SPEG: variants seen among roughly 807,000 people sequenced by gnomAD.
The protein encoded by SPEG is striated muscle enriched protein kinase.
In SPEG, 114 loss-of-function variants were observed where a neutral mutation model predicts 300.4. The ratio of observed to expected loss-of-function variants is 0.38; its 90% CI spans 0.33 to 0.44. The LOEUF is 0.44. Among genes scored for constraint, SPEG ranks in the 20% least tolerant of loss-of-function variants. The probability of loss-of-function intolerance (pLI) is 1.00; values close to 1 mark genes in which losing one functional copy is unlikely to be tolerated. For missense variants in SPEG, 4,201 were observed against 4,586.2 expected (o/e 0.92, Z 2.43); for synonymous variants, 1,964 against 2,018.9 (o/e 0.97, Z 0.73).
intron 1 of SPEG, among the ~76,000 whole-genome samples, chr2:219,441,315 G>A (rs1311059120): frequency 6.6e-6 from 1 of 152,150 alleles, no homozygotes; most frequent in African/African-American, 2.4e-5. Flanking sequence ...GTGAATGTAC[G>A]GGGGTAGGGG....
chr2:219,476,824 AGC>A (rs753662282), intron 18 of SPEG, 44 bp from the exon 19 acceptor site: 1 of 1,492,624 alleles, frequency 6.7e-7, no homozygotes, highest in South Asian at 1.1e-5. Flanking sequence ...GGGTAAAGCC[AGC>A]CCCTAGCCCC....
chr2:219,476,909 T>C lies in SPEG; in HGVS notation c.4487T>C (p.Val1496Ala), dbSNP rs1449209691. 2 of 1,607,540 alleles carry C rather than the reference T, an allele frequency of 1.2e-6. No individual in the cohort carries two copies. The highest frequency in any genetic ancestry group is 1.7e-6 in the Non-Finnish European group (2 of 1,177,996). ...RFESIMEDVE[V>A]GAGETARFAV... is the part of the protein sequence containing the mutation. Reference sequence around the variant, plus strand: ...GAGTCCATCATGGAGGACGTGGAGGTGGGGGCTGGGGAAACTGCTCGCTTT... The same window carrying C: ...GAGTCCATCATGGAGGACGTGGAGGCGGGGGCTGGGGAAACTGCTCGCTTT... Residue 1496 changes from valine (V) to alanine (A), a missense_variant, in exon 19 of 41, where the codon GTG (valine) becomes GCG (alanine). Val to Ala is a moderately conservative substitution (Grantham distance 64, BLOSUM62 0). Around this residue, in one of 4 missense-constraint regions of SPEG, gnomAD observed 1,047 missense variants for 1,356.8 expected, o/e 0.77. Coordinates refer to ENST00000312358, the MANE Select transcript of SPEG (RefSeq NM_005876.5).
At chr2:219,487,023 T>G (rs1192641209) in intron 31 of SPEG, among the ~76,000 whole-genome samples, 6 of 152,024 alleles carry the variant, frequency 3.9e-5, no homozygotes, top group Non-Finnish European at 7.4e-5. Context: ...CCCACAATTC[T>G]TCAGACAGGC....
Position 219,483,680 on chromosome 2 carries a change from C to T in SPEG, c.6217C>T (p.Arg2073Trp). 3.9e-6 allele frequency: 6 copies of T among 1,533,954 alleles called. No homozygotes were observed. Among genetic ancestry groups the T allele is most frequent in the Non-Finnish European group, 4.4e-6 (5 of 1,146,756 alleles). The change falls in exon 30 of 41, where the codon CGG becomes TGG. Residue 2073 changes from arginine to tryptophan, a missense_variant. Arg to Trp is a moderately radical substitution (Grantham distance 101). This residue lies in a region of SPEG where 1,578 missense variants were observed against 1,506.0 expected (regional missense o/e 1.05). Coordinates refer to ENST00000312358, the MANE Select transcript of SPEG (RefSeq NM_005876.5). ...CCAGAGGCTGCAGGCCCTGCGCCAG[C>T]GGCTGCTGCGGGGAGGCCCCGAGGA... ...YAQRLQALRQ[R>W]LLRGGPEDGK...
At chr2:219,482,567 C>T (rs1206620861) in intron 28 of SPEG, among the ~76,000 whole-genome samples, 1 of 152,100 alleles carries the variant, frequency 6.6e-6, no homozygotes, top group East Asian at 1.9e-4. Flanking sequence ...TGCCTCTCCC[C>T]TGGGGGGTTC....
Position 219,481,610 on chromosome 2 carries a change from T to C in SPEG, c.5523-28T>C. On this transcript the variant is annotated intron_variant, in intron 27 of 40. Coordinates refer to ENST00000312358, the MANE Select transcript of SPEG (RefSeq NM_005876.5). The surrounding 1 kb of genome is among the most constrained non-coding windows in gnomAD (Gnocchi z 5.4). ...GACTCACTGATGACTGAACGATAAA[T>C]CCCTTCTTAATCCTCATTCATTCAC... is the stretch of plus-strand genomic sequence containing the variant. 1 of 1,613,592 alleles carries C rather than the reference T, an allele frequency of 6.2e-7. No individual in the cohort carries two copies. Among genetic ancestry groups the C allele is most frequent in the Non-Finnish European group, 8.5e-7 (1 of 1,179,554 alleles).
chr2:219,449,570 T>C (rs997111636), intron 4 of SPEG, among the ~76,000 whole-genome samples: 1 of 152,156 alleles, frequency 6.6e-6, no homozygotes, highest in African/African-American at 2.4e-5. Flanking sequence ...ATAGCTCCCC[T>C]GGGTCCAGTG....
Position 219,488,946 on chromosome 2 carries a change from G to A in SPEG, c.8149+46G>A, listed in dbSNP as rs755495652. 22 of 1,590,810 alleles carry A rather than the reference G, an allele frequency of 1.4e-5. 1 individual carries two copies. The South Asian group carries it at 2.3e-4, about 16-fold the overall frequency. ...GGGTTGGGGGAGCGGCAGGGGGAGGGTAGAGGAGTCTGGTAAGGCCAGTGC... is the reference window on the plus strand; with the variant it reads ...GGGTTGGGGGAGCGGCAGGGGGAGGATAGAGGAGTCTGGTAAGGCCAGTGC... On this transcript the variant is annotated intron_variant, in intron 34 of 40. Coordinates refer to ENST00000312358, the MANE Select transcript of SPEG (RefSeq NM_005876.5).
chr2:219,482,915 C>G (rs1692991123), intron 29 of SPEG, 63 bp downstream of exon 29: 13 of 1,540,184 alleles, frequency 8.4e-6, no homozygotes, highest in South Asian at 2.3e-5. Flanking sequence ...ACTGCCTTCC[C>G]CCTCCCGTGG....
At chr2:219,469,885 C>G (rs1166064726) in intron 13 of SPEG, among the ~76,000 whole-genome samples, 1 of 152,296 alleles carries the variant, frequency 6.6e-6, no homozygotes, top group African/African-American at 2.4e-5. Flanking sequence ...AAGGGATGCT[C>G]TGTCCAGGGT....
chr2:219,481,638 G>C lies in SPEG; in HGVS notation c.5523G>C (p.Leu1841=), dbSNP rs1692855138. Reference sequence around the variant, plus strand: ...CTTCTTAATCCTCATTCATTCACAGGAGACCTACCGCAGAAGAGACCCTAG... The same window carrying C: ...CTTCTTAATCCTCATTCATTCACAGCAGACCTACCGCAGAAGAGACCCTAG... ...FLIKVLVQDR[L]RPTAEETLEH... Residue 1841 remains leucine (L), a splice_region_variant and synonymous_variant, in exon 28 of 41, where the codon CTG becomes CTC. Transcript: ENST00000312358. The surrounding 1 kb of genome is among the most constrained non-coding windows in gnomAD (Gnocchi z 5.4). 6.2e-7 allele frequency: 1 copy of C among 1,614,002 alleles called. No homozygotes were observed. Among genetic ancestry groups the C allele is most frequent in the Non-Finnish European group, 8.5e-7 (1 of 1,180,010 alleles).
intron 13 of SPEG, 138 bp downstream of exon 13, chr2:219,469,517 C>G: frequency 2.8e-6 from 2 of 708,436 alleles, no homozygotes; most frequent in Admixed American, 2.6e-5. Context: ...GGAAGGGAAC[C>G]CGGAGGGACT....
chr2:219,440,273 G>C (rs972144944), intron 1 of SPEG, among the ~76,000 whole-genome samples: 6 of 151,924 alleles, frequency 3.9e-5, no homozygotes, highest in Non-Finnish European at 8.8e-5. Flanking sequence ...TGTAGTCTCA[G>C]GTACAAGGGG....
rs1692828116 is a variant in SPEG, at chr2:219,481,410, A to G, written c.5476A>G (p.Arg1826Gly). The G allele has an allele frequency of 3.1e-6, 5 of 1,614,074 alleles. No homozygotes were observed. Among genetic ancestry groups the G allele is most frequent in the Non-Finnish European group, 4.2e-6 (5 of 1,180,026 alleles). ...GGAGACCACATTCCTGAGCCTGAGC[A>G]GGGAGGCCCGGGGCTTCCTCATCAA... ...FEETTFLSLSREARGFLIKVL... is the reference protein window; with the variant it reads ...FEETTFLSLSGEARGFLIKVL... The change falls in exon 27 of 41, where the codon AGG becomes GGG. Residue 1826 changes from arginine to glycine, a missense_variant. Transcript: ENST00000312358. This position sits in a 1 kb window ranked among gnomAD's most constrained non-coding sequence, Gnocchi z 5.4.
At chr2:219,436,021 T>G (rs983554989) in intron 1 of SPEG, among the ~76,000 whole-genome samples, 15 of 152,070 alleles carry the variant, frequency 9.9e-5, no homozygotes, top group African/African-American at 3.6e-4. Flanking sequence ...ATGGGTGCTG[T>G]GGAGGGCCCT....
rs1294474245 is a variant in SPEG, at chr2:219,445,795, G to C, written c.815+634G>C. 1 of 157,512 alleles carries C rather than the reference G, an allele frequency of 6.3e-6. No individual in the cohort carries two copies. The highest frequency in any genetic ancestry group is 1.9e-4 in the East Asian group (1 of 5,204). The allele number at this position is 157,512 out of a possible 1,614,324, so 9.8% of individuals were successfully genotyped here. On this transcript the variant is annotated intron_variant, in intron 3 of 40. Coordinates refer to ENST00000312358, the MANE Select transcript of SPEG (RefSeq NM_005876.5). This position sits in a 1 kb window ranked among gnomAD's most constrained non-coding sequence, Gnocchi z 6.1. ...GGCTGGAAATGGGGCCAGGCCAGAG[G>C]GAGAGGGCGGGAGTGATGGTGGCAG...
Position 219,489,350 on chromosome 2 carries a change from C to A in SPEG, c.8332C>A (p.Pro2778Thr). Residue 2778 changes from proline (P) to threonine (T), a missense_variant, in exon 36 of 41, where the codon CCA becomes ACA. By Grantham distance (38) the Pro-to-Thr change is conservative (BLOSUM62 -1). Coordinates refer to ENST00000312358, the MANE Select transcript of SPEG (RefSeq NM_005876.5). Reference protein sequence around the residue: ...VRGTQDSSAVPSAAHQEAPVT... With the variant: ...VRGTQDSSAVTSAAHQEAPVT... ...CTCTCTCTTAGATTCTTCAGCTGTG[C>A]CATCTGCTGCCCACCAAGAGGCCCC... 1 of 1,613,550 alleles carries A rather than the reference C, an allele frequency of 6.2e-7. No individual in the cohort carries two copies. Among genetic ancestry groups the A allele is most frequent in the East Asian group, 2.2e-5 (1 of 44,872 alleles).
chr2:219,464,510 G>A lies in SPEG; in HGVS notation c.2783G>A (p.Arg928Gln), dbSNP rs762056845. ...EEAEGGLCRL[R>Q]ILAAERGDAG... The stretch of plus-strand genomic sequence containing the variant: ...GCTGAGGGTGGGCTGTGCCGGCTGC[G>A]GATCCTGGCTGCAGAGCGTGGCGAT... The change falls in exon 9 of 41, where the codon CGG becomes CAG. Residue 928 changes from arginine (R) to glutamine (Q), a missense_variant. This residue lies in a region of SPEG where 1,047 missense variants were observed against 1,356.8 expected (regional missense o/e 0.77). Transcript: ENST00000312358. The surrounding 1 kb of genome is among the most constrained non-coding windows in gnomAD (Gnocchi z 4.5). 18 of 1,614,062 alleles carry A rather than the reference G, an allele frequency of 1.1e-5. No homozygotes were observed. Among genetic ancestry groups the A allele is most frequent in the Non-Finnish European group, 1.4e-5 (17 of 1,180,042 alleles).
Position 219,483,801 on chromosome 2 carries a change from C to T in SPEG, c.6338C>T (p.Ala2113Val). 1.3e-6 allele frequency: 2 copies of T among 1,570,340 alleles called. No individual in the cohort carries two copies. Among genetic ancestry groups the T allele is most frequent in the Non-Finnish European group, 1.7e-6 (2 of 1,165,416 alleles). Residue 2113 changes from alanine to valine, a missense_variant, in exon 30 of 41, where the codon GCG (alanine) becomes GTG (valine). Transcript: ENST00000312358. ...RMARAASSEA[A>V]PHHQPPLENR... The stretch of plus-strand genomic sequence containing the variant: ...GCACGAGCTGCCTCCAGCGAGGCAG[C>T]GCCCCACCACCAGCCCCCACTCGAG...
Sources: allele counts gnomAD v4.1 joint callset (sites outside exome capture counted in the v4.1 genomes callset), GRCh38; gene constraint gnomAD v4.1.1; regional missense constraint gnomAD v4.1.1; non-coding constraint Gnocchi (gnomAD v3.1); transcripts MANE v1.5; gene names NCBI Gene and HGNC (gene_info 2026-07-23, HGNC 2026-07-21).